The following ASPRV1 variants were observed in gnomAD, a reference collection of about 807,000 sequenced individuals.
ASPRV1 encodes aspartic peptidase retroviral like 1, also known as retroviral-like aspartic protease 1.
ASPRV1 carries 7 observed loss-of-function variants against 11.0 expected under a neutral mutation model. The observed-to-expected ratio is 0.64, with a 90% CI of 0.36 to 1.20. The LOEUF is 1.20. ASPRV1 is among the 50% of genes most tolerant of loss of function. ASPRV1 has a pLI of 0.02. For synonymous variants in ASPRV1, 136 were observed against 138.4 expected (o/e 0.98, Z 0.12); for missense variants, 299 against 320.0 (o/e 0.93, Z 0.50).
downstream of ASPRV1, among the ~76,000 whole-genome samples, chr2:69,959,834 C>T (rs150559803): frequency 6.6e-6 from 1 of 152,296 alleles, no homozygotes; most frequent in African/African-American, 2.4e-5. Context: ...GGTATAGAGG[C>T]AATTTGTATG....
the ASPRV1 span, among the ~76,000 whole-genome samples, chr2:70,008,555 C>T: frequency 2.6e-5 from 4 of 152,060 alleles, no homozygotes; most frequent in Non-Finnish European, 4.4e-5. Flanking sequence ...GCCTGTGGGC[C>T]GCATGCAGCC....
the ASPRV1 span, among the ~76,000 whole-genome samples, chr2:70,084,060 G>A: frequency 6.6e-6 from 1 of 152,126 alleles, no homozygotes; most frequent in Non-Finnish European, 1.5e-5. Context: ...GGGAGAAACT[G>A]TTAAGACTCT....
the ASPRV1 span, among the ~76,000 whole-genome samples, chr2:70,065,847 AAGAAAAAGAAAAGGAAGGAAGG>A: frequency 2.8e-5 from 4 of 142,404 alleles, no homozygotes; most frequent in African/African-American, 1.1e-4. Flanking sequence ...AAAAAAAAGA[AAGAAAAAGAAAAGGAAGGAAGG>A]AAAGAAAAGA....
At chr2:70,020,471 G>A in the ASPRV1 span, among the ~76,000 whole-genome samples, 8 of 152,170 alleles carry the variant, frequency 5.3e-5, no homozygotes, top group Non-Finnish European at 1.0e-4. Context: ...GGCCGGGCAC[G>A]GTGGCTCATG....
At chr2:70,032,232 C>G in the ASPRV1 span, 3 of 152,210 alleles carry the variant, frequency 2.0e-5, no homozygotes, top group Non-Finnish European at 4.4e-5. Context: ...GAGATAAATT[C>G]TTCTATCAAC....
At chr2:70,007,389 C>G in the ASPRV1 span, among the ~76,000 whole-genome samples, 1 of 152,058 alleles carries the variant, frequency 6.6e-6, no homozygotes, top group Non-Finnish European at 1.5e-5. Context: ...GGCGTGTTGG[C>G]GCATGCCTGT....
the ASPRV1 span, among the ~76,000 whole-genome samples, chr2:70,017,374 G>A: frequency 3.3e-5 from 5 of 152,208 alleles, no homozygotes; most frequent in Non-Finnish European, 7.3e-5. Flanking sequence ...ATTAGGCACA[G>A]AAGGAATGGA....
the ASPRV1 span, among the ~76,000 whole-genome samples, chr2:69,999,778 A>G: frequency 6.7e-6 from 1 of 150,058 alleles, no homozygotes; most frequent in Non-Finnish European, 1.5e-5. Flanking sequence ...CGATCTCTGC[A>G]CCCCACCCCC....
the ASPRV1 span, among the ~76,000 whole-genome samples, chr2:70,022,893 TATAAA>T: frequency 6.6e-6 from 1 of 151,408 alleles, no homozygotes; most frequent in African/African-American, 2.4e-5. Flanking sequence ...GGAAAAAGGG[TATAAA>T]AGGGTCCTGA....
the ASPRV1 span, among the ~76,000 whole-genome samples, chr2:69,984,678 T>C: frequency 8.6e-4 from 111 of 129,258 alleles, no homozygotes; most frequent in African/African-American, 3.1e-3. Context: ...TGGAGTGCAA[T>C]ATTGCGATCT....
At chr2:69,937,434 C>T in the ASPRV1 span, 3 of 1,518,326 alleles carry the variant, frequency 2.0e-6, no homozygotes, top group Admixed American at 2.0e-5. Flanking sequence ...CCCTTGTGCT[C>T]CCCAACCCCA....
At chr2:70,048,792 T>A in the ASPRV1 span, 2 of 152,286 alleles carry the variant, frequency 1.3e-5, no homozygotes, top group African/African-American at 4.8e-5. Flanking sequence ...TAGGGAAGAA[T>A]CCTTCCTTGT....
At chr2:70,036,130 A>G in the ASPRV1 span, among the ~76,000 whole-genome samples, 1 of 151,896 alleles carries the variant, frequency 6.6e-6, no homozygotes, top group African/African-American at 2.4e-5. Context: ...AAAGAGGGGC[A>G]GACAGAGCAA....
the ASPRV1 span, among the ~76,000 whole-genome samples, chr2:70,040,217 T>C: frequency 6.6e-6 from 1 of 151,228 alleles, no homozygotes; most frequent in African/African-American, 2.4e-5. Flanking sequence ...ATAGAGGGAG[T>C]AGAGACAGTT....
At chr2:70,080,076 A>C in the ASPRV1 span, among the ~76,000 whole-genome samples, 1 of 152,188 alleles carries the variant, frequency 6.6e-6, no homozygotes, top group African/African-American at 2.4e-5. Flanking sequence ...AGTAGCAATC[A>C]TTCTTGAACT....
the ASPRV1 span, among the ~76,000 whole-genome samples, chr2:69,977,928 A>C: frequency 1.3e-5 from 2 of 152,148 alleles, no homozygotes; most frequent in Non-Finnish European, 2.9e-5. Context: ...CCTGTCCTCT[A>C]GGTCATGAGC....
chr2:70,040,415 G>A, the ASPRV1 span, among the ~76,000 whole-genome samples: 2 of 152,074 alleles, frequency 1.3e-5, no homozygotes, highest in African/African-American at 2.4e-5. Flanking sequence ...TTTTGAGATG[G>A]AGTCTTGCTC....
downstream of ASPRV1, among the ~76,000 whole-genome samples, chr2:69,955,665 C>A (rs183062277): frequency 2.6e-3 from 394 of 152,240 alleles, 1 homozygote; most frequent in Non-Finnish European, 3.7e-3. Context: ...AGCTTGTAAG[C>A]GTGATGATTG....
the ASPRV1 span, among the ~76,000 whole-genome samples, chr2:69,952,741 T>C: frequency 1.3e-5 from 2 of 152,040 alleles, no homozygotes; most frequent in Non-Finnish European, 2.9e-5. Flanking sequence ...GCCTCTGACC[T>C]TTACTCACTA....
Sources: allele counts gnomAD v4.1 joint callset (sites outside exome capture counted in the v4.1 genomes callset), GRCh38; gene constraint gnomAD v4.1.1; transcripts MANE v1.5; gene names NCBI Gene and HGNC (gene_info 2026-07-23, HGNC 2026-07-21).